Variants in CTNNA1 observed in about 807,000 individuals in gnomAD.
The protein encoded by CTNNA1 is catenin alpha-1.
In CTNNA1, 37 loss-of-function variants were observed where a neutral mutation model predicts 98.4. The ratio of observed to expected loss-of-function variants is 0.38; its 90% confidence interval spans 0.29 to 0.49. The LOEUF (loss-of-function observed/expected upper bound fraction) is 0.49, where lower values mean the gene tolerates loss of function less well. Among genes scored for constraint, CTNNA1 ranks in the 20% least tolerant of loss-of-function variants. The probability of loss-of-function intolerance (pLI) is 0.95; values close to 1 mark genes in which losing one functional copy is unlikely to be tolerated. For synonymous variants in CTNNA1, 404 were observed against 413.2 expected, an observed-to-expected ratio of 0.98 and a Z score of 0.27; for missense variants, 761 against 1,147.2, an observed-to-expected ratio of 0.66 and a Z score of 4.86.
At chr5:138,905,418 A>G (rs1380555006) in intron 10 of CTNNA1, among the ~76,000 whole-genome samples, 2 of 152,184 alleles carry the variant, frequency 1.3e-5, no homozygotes, top group Admixed American at 6.5e-5. Flanking sequence ...TCCTGGAACC[A>G]TGAGAGTTAC....
intron 9 of CTNNA1, among the ~76,000 whole-genome samples, chr5:138,892,954 TG>T (rs1442122855): frequency 2.6e-5 from 4 of 152,064 alleles, no homozygotes; most frequent in African/African-American, 9.7e-5. Flanking sequence ...AGGCGGAGGT[TG>T]CAGTAAGCAG....
At chr5:138,890,882 CA>C (rs1755197466) in intron 9 of CTNNA1, among the ~76,000 whole-genome samples, 1 of 152,160 alleles carries the variant, frequency 6.6e-6, no homozygotes, top group Non-Finnish European at 1.5e-5. Context: ...GGTTTCCTCA[CA>C]GGAATCCAGG....
intron 3 of CTNNA1, among the ~76,000 whole-genome samples, chr5:138,795,341 C>G (rs1756842097): frequency 6.6e-6 from 1 of 151,762 alleles, no homozygotes; most frequent in Admixed American, 6.6e-5. Flanking sequence ...ATCTGTAATC[C>G]CAGCTACTCT....
At chr5:138,829,145 T>C (rs1009224438) in intron 7 of CTNNA1, among the ~76,000 whole-genome samples, 3 of 152,094 alleles carry the variant, frequency 2.0e-5, no homozygotes, top group Admixed American at 1.3e-4. Context: ...GTTTTGATTA[T>C]AGGCAGTCTA....
At chr5:138,781,246 C>G (rs1262904680) in intron 1 of CTNNA1, among the ~76,000 whole-genome samples, 1 of 152,158 alleles carries the variant, frequency 6.6e-6, no homozygotes, top group Non-Finnish European at 1.5e-5. Flanking sequence ...GTTTTTGAAG[C>G]AGTGTCTTTG....
chr5:138,762,343 C>G (rs1476696808), intron 1 of CTNNA1, among the ~76,000 whole-genome samples: 1 of 152,184 alleles, frequency 6.6e-6, no homozygotes, highest in African/African-American at 2.4e-5. Flanking sequence ...TGCCTTGTCT[C>G]ATGCTGTTTG....
At chr5:138,781,843 C>T (rs1388727480) in intron 1 of CTNNA1, 80 bp from the exon 2 acceptor site, 1 of 1,347,342 alleles carries the variant, frequency 7.4e-7, no homozygotes, top group Non-Finnish European at 9.9e-7. Context: ...ATGCAAAAGT[C>T]CCAAAGTAGG....
intron 11 of CTNNA1, among the ~76,000 whole-genome samples, chr5:138,923,712 T>TG (rs1335954030): frequency 2.0e-5 from 3 of 152,220 alleles, no homozygotes; most frequent in Admixed American, 2.0e-4. Context: ...ACCCTTCTCT[T>TG]GGAGATTTTG....
At chr5:138,807,723 GGTA>G (rs1758242810) in intron 3 of CTNNA1, among the ~76,000 whole-genome samples, 1 of 151,942 alleles carries the variant, frequency 6.6e-6, no homozygotes, top group African/African-American at 2.4e-5. Context: ...TCTCTTGTTT[GGTA>G]GTAATATTGT....
chr5:138,875,852 G>T (rs1019725975), intron 7 of CTNNA1: 1 of 456,544 alleles, frequency 2.2e-6, no homozygotes, highest in African/African-American at 2.1e-5. Context: ...AACTAGCTAA[G>T]TGGGCTTGGC....
chr5:138,795,017 GC>G (rs1756783380), intron 3 of CTNNA1, among the ~76,000 whole-genome samples: 1 of 151,782 alleles, frequency 6.6e-6, no homozygotes, highest in African/African-American at 2.4e-5. Context: ...AGATGTGGTA[GC>G]ACTCACCTGT....
intron 7 of CTNNA1, among the ~76,000 whole-genome samples, chr5:138,833,293 T>C (rs1322986758): frequency 2.0e-5 from 3 of 152,200 alleles, no homozygotes; most frequent in Non-Finnish European, 4.4e-5. Context: ...AACAAACACA[T>C]GCCATGGGCT....
intron 9 of CTNNA1, among the ~76,000 whole-genome samples, chr5:138,902,947 T>G (rs1040707471): frequency 2.6e-5 from 4 of 152,168 alleles, no homozygotes; most frequent in Admixed American, 2.0e-4. Flanking sequence ...TTGCAGTGAT[T>G]TTTTAAGCAA....
chr5:138,821,761 G>A (rs537942697), intron 5 of CTNNA1, among the ~76,000 whole-genome samples: 11 of 152,254 alleles, frequency 7.2e-5, no homozygotes, highest in African/African-American at 2.4e-4. Flanking sequence ...ACCATCACTG[G>A]GTTGGTGAAG....
intron 10 of CTNNA1, among the ~76,000 whole-genome samples, chr5:138,906,420 T>C (rs1002957871): frequency 6.6e-6 from 1 of 152,222 alleles, no homozygotes; most frequent in African/African-American, 2.4e-5. Flanking sequence ...TTGTTTTTAA[T>C]GTCTTTGGTT....
Position 138,894,281 on chromosome 5 carries a change from C to CTTTTTTTT in CTNNA1, c.1296+6650_1296+6657dup, listed in dbSNP as rs539073038. Among the ~76,000 whole-genome samples the CTTTTTTTT allele has an allele frequency of 5.0e-4, 62 of 123,930 alleles. 4 individuals carry two copies. The highest frequency in any genetic ancestry group is 7.1e-4 in the South Asian group (3 of 4,218). 81.3% of individuals were successfully genotyped at this position (123,930 alleles called of 152,430 possible). ...ATATAGAGCCTTTACTTTTCTTTCT[C>CTTTTTTTT]TTTTTTTTTTTTTTTTTTGAGACAA... is the stretch of plus-strand genomic sequence containing the variant. On this transcript the variant is annotated intron_variant, in intron 9 of 17. Transcript: ENST00000302763.
chr5:138,861,168 G>T (rs140044405), intron 7 of CTNNA1, among the ~76,000 whole-genome samples: 1 of 151,834 alleles, frequency 6.6e-6, no homozygotes, highest in African/African-American at 2.4e-5. Flanking sequence ...TTACAGGCAC[G>T]CACCACCATG....
intron 3 of CTNNA1, among the ~76,000 whole-genome samples, chr5:138,784,737 G>A (rs1301606640): frequency 6.6e-6 from 1 of 152,194 alleles, no homozygotes; most frequent in South Asian, 2.1e-4. Context: ...GACTTAGGAA[G>A]AATCTGTGGA....
At chr5:138,902,505 C>T (rs771035359) in intron 9 of CTNNA1, among the ~76,000 whole-genome samples, 2 of 152,154 alleles carry the variant, frequency 1.3e-5, no homozygotes, top group Non-Finnish European at 2.9e-5. Flanking sequence ...CTGCAAGCTC[C>T]GCCTCTCAGG....
Sources: allele counts gnomAD v4.1 joint callset (sites outside exome capture counted in the v4.1 genomes callset), GRCh38; gene constraint gnomAD v4.1.1; transcripts MANE v1.5; gene names NCBI Gene and HGNC (gene_info 2026-07-23, HGNC 2026-07-21).